SPMIP11: variants seen among roughly 807,000 people sequenced by gnomAD.
SPMIP11 encodes the protein sperm microtubule inner protein 11, also known as long intergenic non-protein coding RNA 935.
chr12:48,759,867 G>T, the SPMIP11 span, among the ~76,000 whole-genome samples: 6 of 151,538 alleles, frequency 4.0e-5, no homozygotes, highest in African/African-American at 1.5e-4. Context: ...AGTGCAATGG[G>T]GCCATCTCAG....
At chr12:48,764,489 G>C in the SPMIP11 span, among the ~76,000 whole-genome samples, 1 of 152,176 alleles carries the variant, frequency 6.6e-6, no homozygotes, top group Non-Finnish European at 1.5e-5. Context: ...GGAGGGAAGA[G>C]AATGAGGATG....
the SPMIP11 span, among the ~76,000 whole-genome samples, chr12:48,734,867 C>T: frequency 3.5e-4 from 53 of 151,648 alleles, no homozygotes; most frequent in African/African-American, 1.2e-3. Flanking sequence ...TAGCCAGGTG[C>T]GGTGGCGGGC....
At chr12:48,727,468 G>A in the SPMIP11 span, 1 of 702,942 alleles carries the variant, frequency 1.4e-6, no homozygotes, top group African/African-American at 1.7e-5. Context: ...GAAGAGGCCA[G>A]GGAGGATCTG....
chr12:48,759,308 T>A, the SPMIP11 span: 1 of 702,814 alleles, frequency 1.4e-6, no homozygotes, highest in Non-Finnish European at 2.6e-6. Flanking sequence ...CACGAAGCTG[T>A]CCGGAAGGTG....
At chr12:48,740,127 A>G in the SPMIP11 span, among the ~76,000 whole-genome samples, 1 of 152,194 alleles carries the variant, frequency 6.6e-6, no homozygotes, top group South Asian at 2.1e-4. Flanking sequence ...GAGGAAAAGG[A>G]AATAAAGCCA....
the SPMIP11 span, among the ~76,000 whole-genome samples, chr12:48,769,609 T>C: frequency 2.6e-4 from 39 of 149,704 alleles, no homozygotes; most frequent in Non-Finnish European, 4.7e-4. Context: ...TTTTTTGAGA[T>C]GGAGTCTTGC....
At chr12:48,738,298 A>G in the SPMIP11 span, among the ~76,000 whole-genome samples, 52 of 152,176 alleles carry the variant, frequency 3.4e-4, no homozygotes, top group Non-Finnish European at 6.2e-4. Flanking sequence ...ATTCAGAAGC[A>G]ACTTATCTCG....
the SPMIP11 span, chr12:48,768,402 T>G: frequency 1.3e-6 from 1 of 755,966 alleles, no homozygotes; most frequent in Non-Finnish European, 2.2e-6. Context: ...ATCCTCTCGG[T>G]AGGTAGCCCC....
At chr12:48,761,485 G>A in the SPMIP11 span, among the ~76,000 whole-genome samples, 6 of 150,074 alleles carry the variant, frequency 4.0e-5, no homozygotes, top group East Asian at 2.0e-4. Context: ...GGTGGTGCTC[G>A]CCTGCAGTCC....
chr12:48,757,659 TA>T, the SPMIP11 span, among the ~76,000 whole-genome samples: 43,595 of 135,116 alleles, frequency 0.32, 7,796 homozygotes, highest in East Asian at 0.73. Context: ...AAAATAAAAA[TA>T]AAAATAAAAT....
chr12:48,759,586 C>CTA, the SPMIP11 span, among the ~76,000 whole-genome samples: 1,733 of 151,772 alleles, frequency 0.011, 26 homozygotes, highest in African/African-American at 0.039. Flanking sequence ...ACTCAAGAGG[C>CTA]CTTGAAGCCG....
At chr12:48,734,973 C>CAG in the SPMIP11 span, among the ~76,000 whole-genome samples, 3 of 136,994 alleles carry the variant, frequency 2.2e-5, no homozygotes, top group Admixed American at 2.5e-4. Context: ...CACTGCACTC[C>CAG]AGCCTGGGCG....
the SPMIP11 span, chr12:48,768,758 C>T: frequency 3.9e-5 from 62 of 1,605,428 alleles, no homozygotes; most frequent in Middle Eastern, 5.0e-4. Context: ...TGGAATCCTT[C>T]CTGCTGCATT....
At chr12:48,731,761 T>TAC in the SPMIP11 span, among the ~76,000 whole-genome samples, 1 of 152,152 alleles carries the variant, frequency 6.6e-6, no homozygotes, top group Admixed American at 6.5e-5. Context: ...CTCTCTTACA[T>TAC]ACACACACAT....
the SPMIP11 span, among the ~76,000 whole-genome samples, chr12:48,734,428 T>C: frequency 6.6e-6 from 1 of 152,138 alleles, no homozygotes; most frequent in African/African-American, 2.4e-5. Flanking sequence ...GGGTTTTATA[T>C]ATTGCCTTCC....
At chr12:48,738,596 G>A in the SPMIP11 span, among the ~76,000 whole-genome samples, 4 of 150,260 alleles carry the variant, frequency 2.7e-5, no homozygotes, top group Non-Finnish European at 4.4e-5. Context: ...GTCCAGTGGC[G>A]CGATCTTGGC....
the SPMIP11 span, among the ~76,000 whole-genome samples, chr12:48,729,990 C>T: frequency 6.6e-6 from 1 of 152,066 alleles, no homozygotes; most frequent in Non-Finnish European, 1.5e-5. Context: ...GAAAAACAAA[C>T]TCTTTGAGAA....
chr12:48,751,935 C>T, the SPMIP11 span, among the ~76,000 whole-genome samples: 12 of 151,904 alleles, frequency 7.9e-5, no homozygotes, highest in Admixed American at 4.6e-4. Context: ...CATGTGTTAG[C>T]GGGTGCCTGT....
chr12:48,737,869 A>G, the SPMIP11 span, among the ~76,000 whole-genome samples: 6 of 151,842 alleles, frequency 4.0e-5, no homozygotes, highest in South Asian at 1.2e-3. Flanking sequence ...GTCACCCAGG[A>G]TGGAGTGCAG....
Sources: gnomAD v4.1 joint callset for allele counts (sites outside exome capture counted in the v4.1 genomes callset) on GRCh38, gnomAD v4.1.1 for gene constraint, MANE v1.5 for transcripts, NCBI Gene and HGNC (gene_info 2026-07-23, HGNC 2026-07-21) for gene names.